The following LARGE1 variants were observed in gnomAD, a reference collection of about 807,000 sequenced individuals.
LARGE1 encodes LARGE xylosyl- and glucuronyltransferase 1.
In LARGE1, 43 loss-of-function variants were observed where a neutral mutation model predicts 87.6. The observed-to-expected ratio is 0.49, with a 90% CI of 0.38 to 0.63. The LOEUF (loss-of-function observed/expected upper bound fraction) is 0.63, where lower values mean the gene tolerates loss of function less well. LARGE1 is among the 30% of genes least tolerant of loss of function. LARGE1 has a pLI of 0.00. For synonymous variants in LARGE1, 434 were observed against 394.6 expected, an observed-to-expected ratio of 1.10 and a Z score of -1.18; for missense variants, 802 against 1,000.2, an observed-to-expected ratio of 0.80 and a Z score of 2.67.
intron 6 of LARGE1, among the ~76,000 whole-genome samples, chr22:33,476,181 A>G (rs1449565317): frequency 3.9e-5 from 6 of 152,238 alleles, no homozygotes; most frequent in African/African-American, 1.2e-4. Flanking sequence ...TGATCTTCAC[A>G]GGTGTGGGAC....
chr22:33,538,999 A>G (rs1165243820), intron 6 of LARGE1, among the ~76,000 whole-genome samples: 1 of 152,270 alleles, frequency 6.6e-6, no homozygotes, highest in Non-Finnish European at 1.5e-5. Context: ...AATACATTAA[A>G]TAGATTAGAA....
At chr22:33,124,377 G>GAAGA in the LARGE1 span, among the ~76,000 whole-genome samples, 3 of 150,838 alleles carry the variant, frequency 2.0e-5, no homozygotes, top group African/African-American at 4.9e-5. Context: ...AGGAAGGAAG[G>GAAGA]AAGGAAGGGA....
chr22:33,274,470 C>T lies in LARGE1; in HGVS notation c.2228G>A (p.Gly743Asp), dbSNP rs746916767. The T allele has an allele frequency of 1.2e-6, 2 of 1,614,202 alleles. No homozygotes were observed. The highest frequency in any genetic ancestry group is 3.3e-5 in the Admixed American group (2 of 60,024). The change falls in exon 15 of 15, where the codon GGC (glycine) becomes GAC (aspartate). Residue 743 changes from glycine to aspartate, a missense_variant. Around this residue, in one of 2 missense-constraint regions of LARGE1, gnomAD observed 625 missense variants for 841.9 expected, o/e 0.74. Transcript: ENST00000397394. ...EFQQDMSRRY[G>D]FAALKYLTAE... is the part of the protein sequence containing the mutation. ...TGTGAGATATTTCAGGGCAGCAAAG[C>T]CGTAGCGGCGGGACATGTCCTGCTG...
At chr22:33,632,272 G>A (rs1018640652) in intron 3 of LARGE1, among the ~76,000 whole-genome samples, 7 of 152,122 alleles carry the variant, frequency 4.6e-5, no homozygotes, top group African/African-American at 7.2e-5. Flanking sequence ...ACAGGCATGC[G>A]GCCATCATGC....
intron 11 of LARGE1, among the ~76,000 whole-genome samples, chr22:33,202,981 A>G (rs1328411592): frequency 6.6e-6 from 1 of 152,206 alleles, no homozygotes; most frequent in Non-Finnish European, 1.5e-5. Context: ...GGATAATAAT[A>G]TAATAAGACT....
At chr22:33,502,334 G>A (rs2070491095) in intron 6 of LARGE1, among the ~76,000 whole-genome samples, 1 of 152,134 alleles carries the variant, frequency 6.6e-6, no homozygotes, top group East Asian at 1.9e-4. Context: ...AGGAAACAGA[G>A]GAAAGAAAGT....
At chr22:33,549,352 A>G (rs55756604) in intron 6 of LARGE1, among the ~76,000 whole-genome samples, 9,535 of 151,250 alleles carry the variant, frequency 0.063, 442 homozygotes, top group Non-Finnish European at 0.097. Context: ...AATGGCATAC[A>G]CTGGTTCCTC....
chr22:33,647,149 G>A (rs2080644053), intron 3 of LARGE1, among the ~76,000 whole-genome samples: 1 of 152,194 alleles, frequency 6.6e-6, no homozygotes, highest in African/African-American at 2.4e-5. Context: ...GTCTGGGGTA[G>A]GTCTCATGGA....
At chr22:33,155,570 G>A in the LARGE1 span, among the ~76,000 whole-genome samples, 1 of 152,148 alleles carries the variant, frequency 6.6e-6, no homozygotes, top group South Asian at 2.1e-4. Flanking sequence ...CATTCAAGAG[G>A]TGACTTGGTT....
intron 11 of LARGE1, among the ~76,000 whole-genome samples, chr22:33,207,811 C>A (rs1164323759): frequency 2.0e-5 from 3 of 152,136 alleles, no homozygotes; most frequent in Non-Finnish European, 4.4e-5. Context: ...GTGGTCTCTG[C>A]AAGTGGTCCT....
the LARGE1 span, among the ~76,000 whole-genome samples, chr22:33,095,729 T>G: frequency 6.6e-6 from 1 of 152,218 alleles, no homozygotes; most frequent in Admixed American, 6.5e-5. Context: ...CCATCTATGC[T>G]AGGTCCTGTG....
downstream of LARGE1, among the ~76,000 whole-genome samples, chr22:33,267,639 CAG>C (rs375786821): frequency 3.7e-4 from 56 of 151,356 alleles, 1 homozygote; most frequent in East Asian, 7.9e-3. Context: ...ACCAAGAAAA[CAG>C]AGGCATTTCT....
intron 2 of LARGE1, chr22:33,744,122 A>G (rs2145563085): frequency 6.6e-6 from 1 of 152,328 alleles, no homozygotes; most frequent in East Asian, 1.9e-4. Context: ...TTTATTTGCA[A>G]TCACAGATCT....
At chr22:33,886,934 A>G (rs914329482) in intron 1 of LARGE1, among the ~76,000 whole-genome samples, 1 of 152,100 alleles carries the variant, frequency 6.6e-6, no homozygotes, top group Non-Finnish European at 1.5e-5. Flanking sequence ...AAAAGCCTAT[A>G]AAGTCAACTG....
intron 1 of LARGE1, among the ~76,000 whole-genome samples, chr22:33,831,749 TACACACACACACACAC>T (rs5845118): frequency 3.4e-5 from 5 of 146,864 alleles, no homozygotes; most frequent in African/African-American, 1.0e-4. Flanking sequence ...CACATGCATG[TACACACACACACACAC>T]ACACACACAC....
chr22:33,447,028 G>A (rs1243155483), intron 6 of LARGE1, among the ~76,000 whole-genome samples: 1 of 152,170 alleles, frequency 6.6e-6, no homozygotes, highest in African/African-American at 2.4e-5. Flanking sequence ...CATGTAGTTG[G>A]AACTACAGGC....
intron 11 of LARGE1, among the ~76,000 whole-genome samples, chr22:33,266,101 C>G (rs1309588627): frequency 6.9e-6 from 1 of 145,270 alleles, no homozygotes; most frequent in Non-Finnish European, 1.5e-5. Context: ...CAATTGAAAA[C>G]ATGAGAATAT....
chr22:33,626,556 T>C (rs2071605723), intron 3 of LARGE1, among the ~76,000 whole-genome samples: 1 of 152,228 alleles, frequency 6.6e-6, no homozygotes, highest in South Asian at 2.1e-4. Flanking sequence ...TCCTTCCAAT[T>C]ACATTTTGGG....
chr22:33,746,664 T>A (rs552174924), intron 2 of LARGE1, among the ~76,000 whole-genome samples: 1 of 152,326 alleles, frequency 6.6e-6, no homozygotes, highest in South Asian at 2.1e-4. Flanking sequence ...TTCAACATAA[T>A]AAATGATTAA....
Sources: gnomAD v4.1 joint callset for allele counts (sites outside exome capture counted in the v4.1 genomes callset) on GRCh38, gnomAD v4.1.1 for gene constraint, gnomAD v4.1.1 regional missense constraint, MANE v1.5 for transcripts, NCBI Gene and HGNC (gene_info 2026-07-23, HGNC 2026-07-21) for gene names.